Variants in TMEM45A observed in about 807,000 individuals in gnomAD.
TMEM45A encodes transmembrane protein 45A, also known as DNA polymerase-transactivated protein 4.
Under a neutral mutation model 32.0 loss-of-function variants are expected in TMEM45A, and 25 were observed. The ratio of observed to expected loss-of-function variants is 0.78; its 90% CI spans 0.57 to 1.09. The LOEUF (loss-of-function observed/expected upper bound fraction) is 1.09. TMEM45A is among the 50% of genes least tolerant of loss of function. TMEM45A has a pLI of 0.00. For missense variants in TMEM45A, 302 were observed against 325.0 expected, an observed-to-expected ratio of 0.93 and a Z score of 0.54; for synonymous variants, 122 against 114.8, an observed-to-expected ratio of 1.06 and a Z score of -0.40.
intron 1 of TMEM45A, among the ~76,000 whole-genome samples, chr3:100,501,568 G>A (rs953023295): frequency 1.3e-5 from 2 of 152,232 alleles, no homozygotes; most frequent in Admixed American, 6.5e-5. Context: ...AAATTGGATG[G>A]AAACTCCTTC....
intron 5 of TMEM45A, chr3:100,572,035 T>C (rs1464518847): frequency 6.6e-6 from 1 of 152,246 alleles, no homozygotes; most frequent in African/African-American, 2.4e-5. Flanking sequence ...GTCTTTGCTA[T>C]TGTGAATAGT....
At chr3:100,556,614 G>A in intron 2 of TMEM45A, 146 bp from the exon 3 acceptor site, 1 of 756,894 alleles carries the variant, frequency 1.3e-6, no homozygotes, top group Non-Finnish European at 2.2e-6. Flanking sequence ...AAGTGCCAGT[G>A]CTCAGCTGTT....
intron 4 of TMEM45A, among the ~76,000 whole-genome samples, chr3:100,564,836 A>G (rs1471550762): frequency 6.6e-6 from 1 of 152,180 alleles, no homozygotes; most frequent in East Asian, 1.9e-4. Context: ...TGGGAATTAG[A>G]GATGTGGCTC....
At chr3:100,506,992 G>T (rs150252872) in intron 1 of TMEM45A, among the ~76,000 whole-genome samples, 1 of 152,318 alleles carries the variant, frequency 6.6e-6, no homozygotes, top group East Asian at 1.9e-4. Flanking sequence ...AAGAGTCAGG[G>T]TTTGTTCATT....
intron 3 of TMEM45A, among the ~76,000 whole-genome samples, chr3:100,557,236 G>A (rs1305455165): frequency 6.6e-6 from 1 of 152,096 alleles, no homozygotes; most frequent in Non-Finnish European, 1.5e-5. Context: ...ACTTACAAAG[G>A]TTACTCATCT....
chr3:100,556,201 G>A (rs1233758197), intron 2 of TMEM45A, among the ~76,000 whole-genome samples: 3 of 152,124 alleles, frequency 2.0e-5, no homozygotes, highest in Non-Finnish European at 4.4e-5. Flanking sequence ...GGCTGGTTGC[G>A]AACTCCTGAC....
intron 1 of TMEM45A, among the ~76,000 whole-genome samples, chr3:100,498,481 A>G (rs1576253755): frequency 1.3e-5 from 2 of 152,164 alleles, no homozygotes; most frequent in Admixed American, 1.3e-4. Context: ...TCTTCCTTGC[A>G]CCTTCAGCCT....
chr3:100,503,196 A>G (rs535879381), intron 1 of TMEM45A, among the ~76,000 whole-genome samples: 111 of 152,014 alleles, frequency 7.3e-4, no homozygotes, highest in Non-Finnish European at 1.4e-3. Context: ...GCCTCCGCCT[A>G]CTGGGTTCAA....
intron 1 of TMEM45A, among the ~76,000 whole-genome samples, chr3:100,528,954 G>C (rs1705597915): frequency 6.6e-6 from 1 of 152,130 alleles, no homozygotes; most frequent in East Asian, 1.9e-4. Flanking sequence ...AGGCCTTAAG[G>C]GTCAGATAGT....
At chr3:100,508,563 C>T (rs1708110726) in intron 1 of TMEM45A, among the ~76,000 whole-genome samples, 1 of 152,032 alleles carries the variant, frequency 6.6e-6, no homozygotes, top group South Asian at 2.1e-4. Context: ...CAAAATATAC[C>T]ACAGACCTAT....
At chr3:100,514,512 C>T (rs1433664858) in intron 1 of TMEM45A, among the ~76,000 whole-genome samples, 1 of 151,766 alleles carries the variant, frequency 6.6e-6, no homozygotes, top group African/African-American at 2.4e-5. Context: ...AGACCTAAAA[C>T]CATAAAAACC....
intron 1 of TMEM45A, among the ~76,000 whole-genome samples, chr3:100,507,994 G>A (rs1708100866): frequency 6.6e-6 from 1 of 151,262 alleles, no homozygotes; most frequent in South Asian, 2.1e-4. Context: ...AGAGAACACA[G>A]GAACTCAGCA....
intron 4 of TMEM45A, among the ~76,000 whole-genome samples, chr3:100,562,404 G>A (rs1006573174): frequency 6.6e-6 from 1 of 152,176 alleles, no homozygotes; most frequent in African/African-American, 2.4e-5. Flanking sequence ...GGCTTTCACT[G>A]TAGTCACATC....
At chr3:100,535,207 G>T (rs201129094) in intron 1 of TMEM45A, among the ~76,000 whole-genome samples, 1 of 151,430 alleles carries the variant, frequency 6.6e-6, no homozygotes, top group African/African-American at 2.4e-5. Flanking sequence ...TACAACGTCC[G>T]CTTCCCGGGT....
At chr3:100,515,074 C>T (rs1399651218) in intron 1 of TMEM45A, among the ~76,000 whole-genome samples, 26 of 148,272 alleles carry the variant, frequency 1.8e-4, no homozygotes, top group Non-Finnish European at 1.8e-4. Context: ...TGTGGCGATT[C>T]CTCAGGGATC....
chr3:100,543,738 C>A (rs1390002616), intron 1 of TMEM45A, among the ~76,000 whole-genome samples: 2 of 152,082 alleles, frequency 1.3e-5, no homozygotes, highest in Non-Finnish European at 2.9e-5. Flanking sequence ...TAGTACTCAT[C>A]CTTTGTCATT....
At chr3:100,502,563 C>A (rs1412842505) in intron 1 of TMEM45A, among the ~76,000 whole-genome samples, 8 of 152,058 alleles carry the variant, frequency 5.3e-5, no homozygotes, top group Non-Finnish European at 1.2e-4. Context: ...ACCTCTTGGG[C>A]TCAAGCCATC....
At chr3:100,500,958 G>A (rs902769380) in intron 1 of TMEM45A, among the ~76,000 whole-genome samples, 5 of 152,254 alleles carry the variant, frequency 3.3e-5, no homozygotes, top group African/African-American at 1.2e-4. Flanking sequence ...TAAAAATTAT[G>A]CTTATGGAAA....
At chr3:100,531,017 A>G (rs1441115026) in intron 1 of TMEM45A, among the ~76,000 whole-genome samples, 1 of 152,092 alleles carries the variant, frequency 6.6e-6, no homozygotes, top group East Asian at 1.9e-4. Context: ...TTCCTGCAAA[A>G]ATACATTGGG....
Sources: gnomAD v4.1 joint callset for allele counts (sites outside exome capture counted in the v4.1 genomes callset) on GRCh38, gnomAD v4.1.1 for gene constraint, MANE v1.5 for transcripts, NCBI Gene and HGNC (gene_info 2026-07-23, HGNC 2026-07-21) for gene names.